Variants in VEPH1 observed in about 807,000 individuals in gnomAD.
VEPH1 encodes ventricular zone expressed PH domain containing 1.
In VEPH1, 80 loss-of-function variants were observed where a neutral mutation model predicts 85.2. That is an observed-to-expected ratio of 0.94 (90% CI 0.78 to 1.13). The LOEUF (loss-of-function observed/expected upper bound fraction) is 1.13, where lower values mean the gene tolerates loss of function less well. Ranked by LOEUF, VEPH1 falls within the 50% of genes most tolerant of loss-of-function variation. VEPH1 has a pLI of 0.00. For synonymous variants in VEPH1, 297 were observed against 348.0 expected (o/e 0.85, Z 1.63); for missense variants, 955 against 980.5 (o/e 0.97, Z 0.35).
intron 1 of VEPH1, among the ~76,000 whole-genome samples, chr3:157,498,411 T>C (rs908979101): frequency 6.6e-6 from 1 of 152,244 alleles, no homozygotes; most frequent in Non-Finnish European, 1.5e-5. Context: ...GGTGGGTGTT[T>C]GCCATGTGTC....
chr3:157,286,535 G>T (rs754780023), intron 12 of VEPH1, 22 bp downstream of exon 12: 6 of 1,593,720 alleles, frequency 3.8e-6, no homozygotes, highest in Admixed American at 1.7e-5. Flanking sequence ...ATGGTTCTTA[G>T]CAGCAGGTAA....
intron 2 of VEPH1, among the ~76,000 whole-genome samples, chr3:157,482,377 A>G (rs2109612403): frequency 6.6e-6 from 1 of 152,202 alleles, no homozygotes; most frequent in East Asian, 1.9e-4. Flanking sequence ...GGCATGCACC[A>G]CCAGGCCCAG....
intron 9 of VEPH1, among the ~76,000 whole-genome samples, chr3:157,344,797 A>G (rs934929493): frequency 1.3e-5 from 2 of 152,212 alleles, no homozygotes; most frequent in African/African-American, 4.8e-5. Flanking sequence ...TACAATAACC[A>G]AAACATCATG....
chr3:157,443,154 G>A, intron 4 of VEPH1: 3 of 739,404 alleles, frequency 4.1e-6, no homozygotes, highest in Non-Finnish European at 6.2e-6. Flanking sequence ...TTGAAGGAAA[G>A]ACATTGGAAA....
intron 6 of VEPH1, among the ~76,000 whole-genome samples, chr3:157,394,778 A>G (rs1395930607): frequency 6.6e-6 from 1 of 152,190 alleles, no homozygotes; most frequent in African/African-American, 2.4e-5. Flanking sequence ...CCAGCAGAAC[A>G]TAATGTCATG....
intron 9 of VEPH1, among the ~76,000 whole-genome samples, chr3:157,321,660 A>G (rs568761639): frequency 6.6e-6 from 1 of 152,302 alleles, no homozygotes; most frequent in Non-Finnish European, 1.5e-5. Context: ...AATTCAATAG[A>G]AAGAGCATTG....
At chr3:157,329,537 A>C (rs1722279280) in intron 9 of VEPH1, among the ~76,000 whole-genome samples, 1 of 152,160 alleles carries the variant, frequency 6.6e-6, no homozygotes, top group African/African-American at 2.4e-5. Context: ...AGTTGTCTTC[A>C]TGTATAACTT....
intron 7 of VEPH1, among the ~76,000 whole-genome samples, chr3:157,368,467 A>G (rs1326902668): frequency 7.1e-6 from 1 of 141,596 alleles, no homozygotes; most frequent in African/African-American, 2.7e-5. Context: ...AATTTCAGAT[A>G]AACAATAAGT....
intron 9 of VEPH1, among the ~76,000 whole-genome samples, chr3:157,323,908 A>G (rs969681429): frequency 3.3e-5 from 5 of 152,316 alleles, no homozygotes; most frequent in African/African-American, 1.2e-4. Flanking sequence ...CATATTGAGA[A>G]GTGGGAGTGG....
At chr3:157,326,153 G>A (rs1486706034) in intron 9 of VEPH1, among the ~76,000 whole-genome samples, 1 of 152,158 alleles carries the variant, frequency 6.6e-6, no homozygotes, top group Non-Finnish European at 1.5e-5. Flanking sequence ...TGGTGTATAG[G>A]AATGCAAGTG....
Position 157,441,083 on chromosome 3 carries a change from G to A in VEPH1, c.530-12595C>T, listed in dbSNP as rs983976230. 2.6e-5 allele frequency among the ~76,000 whole-genome samples: 4 copies of A among 152,198 alleles called. No homozygotes were observed. In the South Asian group the frequency reaches 8.3e-4, roughly 31 times the overall value. On this transcript the variant is annotated intron_variant, in intron 4 of 13. Transcript: ENST00000362010. ...AGGGCCTTTTTTAGATAACGCTAAA[G>A]CCTAGAGGAAATTATGGTGCTCATC... is the stretch of plus-strand genomic sequence containing the variant.
chr3:157,493,982 T>G (rs1425307582), intron 2 of VEPH1, among the ~76,000 whole-genome samples: 1 of 152,204 alleles, frequency 6.6e-6, no homozygotes, highest in East Asian at 1.9e-4. Context: ...ACAAAAATCT[T>G]ACCCAGAAAA....
intron 9 of VEPH1, among the ~76,000 whole-genome samples, chr3:157,322,536 G>A (rs115576745): frequency 2.3e-3 from 350 of 152,190 alleles, no homozygotes; most frequent in African/African-American, 8.0e-3. Context: ...AGGAAATTTC[G>A]TATTAGAAAT....
chr3:157,367,658 T>C (rs1195760475), intron 7 of VEPH1, among the ~76,000 whole-genome samples: 1 of 152,216 alleles, frequency 6.6e-6, no homozygotes, highest in Non-Finnish European at 1.5e-5. Context: ...TTGAGCATTA[T>C]ATAAATGTTT....
intron 9 of VEPH1, among the ~76,000 whole-genome samples, chr3:157,348,961 CA>C (rs1000145280): frequency 2.0e-5 from 3 of 152,102 alleles, no homozygotes; most frequent in African/African-American, 7.2e-5. Flanking sequence ...CAAAATACTT[CA>C]AAAAAATTAA....
At chr3:157,437,906 T>A (rs765317629) in intron 4 of VEPH1, 3 of 1,524,188 alleles carry the variant, frequency 2.0e-6, no homozygotes, top group African/African-American at 1.4e-5. Context: ...CGGAGCTGGC[T>A]GCCGGCAGGT....
At chr3:157,315,356 G>A (rs1405230125) in intron 10 of VEPH1, among the ~76,000 whole-genome samples, 1 of 152,072 alleles carries the variant, frequency 6.6e-6, no homozygotes, top group African/African-American at 2.4e-5. Flanking sequence ...AACCCATAAT[G>A]TGAATACATC....
rs1157042350 is a variant in VEPH1, at chr3:157,428,440, G to A, written c.578C>T (p.Pro193Leu). ...RVLPAVYEKQ[P>L]QPINRHLTEL... ...TGTCAGGTGTCTATTAATTGGCTGAGGCTGCTTTTCATACACAGCAGGTAA... is the reference window on the plus strand; with the variant it reads ...TGTCAGGTGTCTATTAATTGGCTGAAGCTGCTTTTCATACACAGCAGGTAA... The change falls in exon 5 of 14, where the codon CCT becomes CTT. Residue 193 changes from proline to leucine, a missense_variant. By Grantham distance (98) the Pro-to-Leu change is moderately conservative (BLOSUM62 -3). Coordinates refer to ENST00000362010, the MANE Select transcript of VEPH1 (RefSeq NM_001167912.2). 1 of 1,614,070 alleles carries A rather than the reference G, an allele frequency of 6.2e-7. No individual in the cohort carries two copies. Among genetic ancestry groups the A allele is most frequent in the East Asian group, 2.2e-5 (1 of 44,876 alleles).
chr3:157,413,621 A>G (rs1731684674), intron 6 of VEPH1: 2 of 985,358 alleles, frequency 2.0e-6, no homozygotes, highest in African/African-American at 3.5e-5. Flanking sequence ...AACCTTCCAC[A>G]TAACCCTGCT....
Sources: gnomAD v4.1 joint callset for allele counts (sites outside exome capture counted in the v4.1 genomes callset) on GRCh38, gnomAD v4.1.1 for gene constraint, MANE v1.5 for transcripts, NCBI Gene and HGNC (gene_info 2026-07-23, HGNC 2026-07-21) for gene names.